ZPLD1: variants seen among roughly 807,000 people sequenced by gnomAD.
The protein encoded by ZPLD1 is zona pellucida like domain containing 1.
A neutral mutation model predicts 47.2 loss-of-function variants in ZPLD1; 34 were observed. The ratio of observed to expected loss-of-function variants is 0.72; its 90% CI spans 0.55 to 0.96. The LOEUF is 0.96. ZPLD1 is among the 40% of genes least tolerant of loss of function. The pLI is 0.00. For synonymous variants in ZPLD1, 176 were observed against 186.2 expected (o/e 0.95, Z 0.45); for missense variants, 512 against 505.8 (o/e 1.01, Z -0.12).
chr3:102,435,244 G>A (rs1172457527), intron 1 of ZPLD1, 90 bp downstream of exon 1: 31 of 1,417,176 alleles, frequency 2.2e-5, no homozygotes, highest in Non-Finnish European at 2.4e-5. Context: ...TGAAAATGTC[G>A]TAAGCCCTGC....
chr3:102,393,278 C>T (rs1260570674), intron 7 of ZPLD1, among the ~76,000 whole-genome samples: 3 of 152,096 alleles, frequency 2.0e-5, no homozygotes, highest in Non-Finnish European at 4.4e-5. Flanking sequence ...GTATATTAAG[C>T]GCTTAACTGT....
chr3:102,471,010 C>T (rs1320396535), intron 10 of ZPLD1, among the ~76,000 whole-genome samples: 2 of 152,106 alleles, frequency 1.3e-5, no homozygotes, highest in Non-Finnish European at 2.9e-5. Context: ...AACTCCTGAC[C>T]TCATAATCCA....
At chr3:102,442,317 TAAACACACAC>T (rs1384640578) in intron 3 of ZPLD1, among the ~76,000 whole-genome samples, 1 of 69,052 alleles carries the variant, frequency 1.4e-5, no homozygotes, top group African/African-American at 5.9e-5. Flanking sequence ...CATACACCCA[TAAACACACAC>T]ACACACACAC....
chr3:102,420,273 A>G (rs1706861446), intron 8 of ZPLD1, among the ~76,000 whole-genome samples: 1 of 151,976 alleles, frequency 6.6e-6, no homozygotes, highest in African/African-American at 2.4e-5. Context: ...AGAAAAATAT[A>G]TTAATGAGAA....
intron 8 of ZPLD1, among the ~76,000 whole-genome samples, chr3:102,423,835 G>C (rs1706909535): frequency 1.3e-5 from 2 of 152,080 alleles, no homozygotes. Context: ...TAATTGATTG[G>C]TTAACATGAC....
At chr3:102,438,449 A>C in intron 2 of ZPLD1, 31 bp from the exon 3 acceptor site, 1 of 1,488,288 alleles carries the variant, frequency 6.7e-7, no homozygotes, top group Non-Finnish European at 9.4e-7. Flanking sequence ...GTTAAGTGGG[A>C]GTGTCCACAT....
chr3:102,476,977 G>T (rs764033737), intron 10 of ZPLD1, 35 bp from the exon 11 acceptor site: 18 of 1,609,066 alleles, frequency 1.1e-5, no homozygotes, highest in Admixed American at 1.7e-5. Context: ...TTGGAGAGAT[G>T]ATGTCACTTC....
chr3:102,425,746 G>A (rs546709482), intron 8 of ZPLD1, among the ~76,000 whole-genome samples: 33 of 151,970 alleles, frequency 2.2e-4, no homozygotes, highest in Admixed American at 6.6e-4. Flanking sequence ...ACACAAAAGC[G>A]TGTTAACTTC....
At chr3:102,457,571 A>G (rs1408093080) in intron 5 of ZPLD1, among the ~76,000 whole-genome samples, 1 of 152,220 alleles carries the variant, frequency 6.6e-6, no homozygotes, top group African/African-American at 2.4e-5. Flanking sequence ...TAAAAATAAA[A>G]TGATCATAAA....
Position 102,456,296 on chromosome 3 carries a change from G to A in ZPLD1, c.431G>A (p.Ser144Asn), listed in dbSNP as rs1298332123. ...IDTPDPPTIISYLPGLLYKFS... is the reference protein window; with the variant it reads ...IDTPDPPTIINYLPGLLYKFS... The stretch of plus-strand genomic sequence containing the variant: ...ACTCCAGACCCACCAACAATCATCA[G>A]CTATCTACCTGGGCTTCTTTACAAA... The change falls in exon 5 of 12, where the codon AGC (serine) becomes AAC (asparagine). Residue 144 changes from serine to asparagine, a missense_variant. Physicochemically the swap from Ser to Asn is conservative, Grantham distance 46 (BLOSUM62 1). Transcript: ENST00000466937. 6.2e-7 allele frequency: 1 copy of A among 1,613,838 alleles called. No individual in the cohort carries two copies. The highest frequency in any genetic ancestry group is 8.5e-7 in the Non-Finnish European group (1 of 1,179,868).
chr3:102,474,233 C>G (rs1707725325), intron 10 of ZPLD1, among the ~76,000 whole-genome samples: 1 of 152,142 alleles, frequency 6.6e-6, no homozygotes, highest in Admixed American at 6.6e-5. Context: ...TAGGGAAATG[C>G]TAATCAAAGA....
chr3:102,395,799 C>A (rs1335592031), intron 7 of ZPLD1, among the ~76,000 whole-genome samples: 1 of 152,106 alleles, frequency 6.6e-6, no homozygotes, highest in Non-Finnish European at 1.5e-5. Context: ...AAAACACAAC[C>A]ATTTCTTCTA....
chr3:102,386,887 T>G (rs9860680), intron 6 of ZPLD1, among the ~76,000 whole-genome samples: 10,090 of 152,202 alleles, frequency 0.066, 525 homozygotes, highest in African/African-American at 0.15. Flanking sequence ...TCCAGAAGTA[T>G]CCATTTTTAA....
chr3:102,440,498 T>C (rs528952099), intron 3 of ZPLD1, among the ~76,000 whole-genome samples: 1 of 152,274 alleles, frequency 6.6e-6, no homozygotes, highest in East Asian at 1.9e-4. Flanking sequence ...TTGCATGTTT[T>C]AGAAAGGAAG....
At chr3:102,423,842 T>C (rs1576137878) in intron 8 of ZPLD1, among the ~76,000 whole-genome samples, 1 of 152,256 alleles carries the variant, frequency 6.6e-6, no homozygotes, top group Admixed American at 6.5e-5. Context: ...TTGGTTAACA[T>C]GACCAATAAG....
intron 7 of ZPLD1, among the ~76,000 whole-genome samples, chr3:102,408,500 A>T (rs1047947321): frequency 1.3e-5 from 2 of 151,890 alleles, no homozygotes; most frequent in Non-Finnish European, 2.9e-5. Context: ...AGATATTAGG[A>T]GGGCACTTAA....
At chr3:102,424,876 C>T (rs574685606) in intron 8 of ZPLD1, among the ~76,000 whole-genome samples, 6 of 152,230 alleles carry the variant, frequency 3.9e-5, no homozygotes, top group African/African-American at 1.4e-4. Context: ...AATATTCTAG[C>T]ACATTATTTG....
At chr3:102,467,793 C>A (rs984919021) in intron 8 of ZPLD1, among the ~76,000 whole-genome samples, 7 of 150,810 alleles carry the variant, frequency 4.6e-5, no homozygotes, top group Non-Finnish European at 1.0e-4. Flanking sequence ...CTAGAAGCCA[C>A]AAAATAACAT....
At chr3:102,429,611 T>C (rs1312325543) in intron 8 of ZPLD1, among the ~76,000 whole-genome samples, 1 of 152,182 alleles carries the variant, frequency 6.6e-6, no homozygotes, top group Non-Finnish European at 1.5e-5. Flanking sequence ...TATTGGATGC[T>C]CTTATGAATT....
Sources: allele counts gnomAD v4.1 joint callset (sites outside exome capture counted in the v4.1 genomes callset), GRCh38; gene constraint gnomAD v4.1.1; transcripts MANE v1.5; gene names NCBI Gene and HGNC (gene_info 2026-07-23, HGNC 2026-07-21).